The following NELL1 variants were observed in gnomAD, a reference collection of about 807,000 sequenced individuals.
The protein encoded by NELL1 is neural EGFL like 1.
A neutral mutation model predicts 107.4 loss-of-function variants in NELL1; 76 were observed. The observed-to-expected ratio is 0.71, with a 90% confidence interval of 0.59 to 0.86. NELL1 has a LOEUF of 0.86. NELL1 is among the 40% of genes least tolerant of loss of function. The pLI is 0.00. For synonymous variants in NELL1, 353 were observed against 341.2 expected, an observed-to-expected ratio of 1.03 and a Z score of -0.38; for missense variants, 1,024 against 1,005.5, an observed-to-expected ratio of 1.02 and a Z score of -0.25.
chr11:20,672,373 A>G (rs930176074), intron 1 of NELL1, among the ~76,000 whole-genome samples: 1 of 152,264 alleles, frequency 6.6e-6, no homozygotes, highest in Non-Finnish European at 1.5e-5. Context: ...TGAGCTGCTC[A>G]GATATCACCG....
chr11:21,202,191 A>T lies in NELL1; in HGVS notation c.1427-27141A>T, dbSNP rs899680543. On this transcript the variant is annotated intron_variant, in intron 13 of 19. Transcript: ENST00000357134. ...TTTTTCTGTTGTTTGGAATAGTTCC[A>T]GAAGGAATGGTACCAGCTCCTCTTT... Among the ~76,000 whole-genome samples the T allele has an allele frequency of 4.6e-5, 7 of 152,218 alleles. No individual in the cohort carries two copies. In the South Asian group the frequency reaches 1.4e-3, roughly 31 times the overall value.
chr11:21,101,296 CAT>C (rs1381850605), intron 12 of NELL1, among the ~76,000 whole-genome samples: 2 of 152,180 alleles, frequency 1.3e-5, no homozygotes, highest in East Asian at 1.9e-4. Flanking sequence ...CCGCAATAAA[CAT>C]ATGTGTGCAT....
chr11:20,774,122 C>A (rs1407519159), intron 2 of NELL1, among the ~76,000 whole-genome samples: 5 of 55,562 alleles, frequency 9.0e-5, no homozygotes, highest in Non-Finnish European at 1.7e-4. Flanking sequence ...TCCTTTCTCC[C>A]TCCCTCCCTC....
At chr11:21,572,487 G>A (rs7342246) in intron 18 of NELL1, among the ~76,000 whole-genome samples, 21 of 151,646 alleles carry the variant, frequency 1.4e-4, no homozygotes, top group African/African-American at 5.1e-4. Context: ...GCCATATATT[G>A]TAAGGTATTA....
chr11:21,048,643 C>A (rs1292912330), intron 12 of NELL1, among the ~76,000 whole-genome samples: 1 of 152,112 alleles, frequency 6.6e-6, no homozygotes, highest in Non-Finnish European at 1.5e-5. Context: ...TTCTTGCTTT[C>A]CGGGGGCTAT....
At chr11:21,372,212 C>T (rs1489915516) in intron 15 of NELL1, among the ~76,000 whole-genome samples, 1 of 151,638 alleles carries the variant, frequency 6.6e-6, no homozygotes, top group Non-Finnish European at 1.5e-5. Flanking sequence ...AGCAAAGAAA[C>T]TTAAGGGTAG....
chr11:21,397,699 T>G (rs1852011914), intron 15 of NELL1, among the ~76,000 whole-genome samples: 1 of 151,702 alleles, frequency 6.6e-6, no homozygotes, highest in Non-Finnish European at 1.5e-5. Flanking sequence ...ATGTTTATGT[T>G]TCCCTAAAAT....
chr11:20,692,450 G>T (rs567857246), intron 2 of NELL1, among the ~76,000 whole-genome samples: 2 of 151,592 alleles, frequency 1.3e-5, no homozygotes, highest in African/African-American at 4.9e-5. Context: ...TCTCCACACT[G>T]CTTTGAATGT....
At chr11:20,976,506 T>A (rs1371258229) in intron 12 of NELL1, among the ~76,000 whole-genome samples, 1 of 152,164 alleles carries the variant, frequency 6.6e-6, no homozygotes, top group African/African-American at 2.4e-5. Flanking sequence ...TTACATTTCT[T>A]AAAGTTTATT....
chr11:20,760,151 C>CTATAGCACTGGGCCT, intron 2 of NELL1, among the ~76,000 whole-genome samples: 1 of 152,206 alleles, frequency 6.6e-6, no homozygotes, highest in Admixed American at 6.5e-5. Context: ...TTGCTTACAG[C>CTATAGCACTGGGCCT]TATAGCACTG....
chr11:21,315,718 A>G (rs562032066), intron 14 of NELL1, among the ~76,000 whole-genome samples: 2 of 152,286 alleles, frequency 1.3e-5, no homozygotes, highest in East Asian at 3.9e-4. Context: ...CTGCAGAGTT[A>G]GTCACTTTCA....
At chr11:21,571,744 T>C (rs1259439321) in intron 18 of NELL1, among the ~76,000 whole-genome samples, 1 of 151,856 alleles carries the variant, frequency 6.6e-6, no homozygotes, top group Non-Finnish European at 1.5e-5. Context: ...AGTTTCAAAT[T>C]ATATCACAAA....
intron 2 of NELL1, among the ~76,000 whole-genome samples, chr11:20,726,944 G>T (rs554524212): frequency 5.9e-5 from 9 of 152,242 alleles, no homozygotes; most frequent in African/African-American, 1.7e-4. Flanking sequence ...TTTTATGGCT[G>T]CATAGTATTC....
At chr11:21,351,318 G>A (rs996126378) in intron 14 of NELL1, among the ~76,000 whole-genome samples, 3 of 151,890 alleles carry the variant, frequency 2.0e-5, no homozygotes, top group African/African-American at 7.3e-5. Context: ...TGGATATGGC[G>A]ACTCTGGGAA....
chr11:21,214,861 A>G (rs979720625), intron 13 of NELL1, among the ~76,000 whole-genome samples: 9 of 152,214 alleles, frequency 5.9e-5, no homozygotes, highest in African/African-American at 2.2e-4. Context: ...TGTGAATTTT[A>G]CATGAGATAA....
intron 14 of NELL1, among the ~76,000 whole-genome samples, chr11:21,327,342 TAA>T (rs201029627): frequency 4.8e-5 from 7 of 147,040 alleles, no homozygotes; most frequent in African/African-American, 1.2e-4. Flanking sequence ...ACTTAAAGTA[TAA>T]AAAAAAAAAT....
At chr11:21,392,732 A>G (rs1177207642) in intron 15 of NELL1, among the ~76,000 whole-genome samples, 5 of 151,760 alleles carry the variant, frequency 3.3e-5, no homozygotes, top group Non-Finnish European at 7.4e-5. Context: ...AATGTCATCC[A>G]CTTTCAAAGA....
chr11:20,790,046 T>G (rs1185949591), intron 3 of NELL1, among the ~76,000 whole-genome samples: 1 of 152,188 alleles, frequency 6.6e-6, no homozygotes, highest in East Asian at 1.9e-4. Context: ...TGCATGCCAG[T>G]TGGCCCATGG....
chr11:21,521,059 C>T (rs1286330957), intron 15 of NELL1, among the ~76,000 whole-genome samples: 3 of 152,050 alleles, frequency 2.0e-5, no homozygotes, highest in Non-Finnish European at 4.4e-5. Flanking sequence ...AATCTATGTA[C>T]CTGACTTTTA....
Sources: allele counts gnomAD v4.1 joint callset (sites outside exome capture counted in the v4.1 genomes callset), GRCh38; gene constraint gnomAD v4.1.1; transcripts MANE v1.5; gene names NCBI Gene and HGNC (gene_info 2026-07-23, HGNC 2026-07-21).